PCDHA13: variants seen among roughly 807,000 people sequenced by gnomAD.
PCDHA13 encodes the protein protocadherin alpha-13.
PCDHA13 carries 54 observed loss-of-function variants against 64.8 expected under a neutral mutation model. That is an observed-to-expected ratio of 0.83 (90% CI 0.67 to 1.04). The LOEUF (loss-of-function observed/expected upper bound fraction) is 1.04, where lower values mean the gene tolerates loss of function less well. Ranked by LOEUF, PCDHA13 falls within the 50% of genes least tolerant of loss-of-function variation. The probability of loss-of-function intolerance (pLI) is 0.00; values close to 1 mark genes in which losing one functional copy is unlikely to be tolerated. For synonymous variants in PCDHA13, 587 were observed against 564.4 expected (o/e 1.04, Z -0.57); for missense variants, 1,248 against 1,254.3 (o/e 0.99, Z 0.08).
chr5:140,939,424 A>G lies in PCDHA13; in HGVS notation c.2395-39525A>G, dbSNP rs186047779. 5.0e-4 allele frequency among the ~76,000 whole-genome samples: 76 copies of G among 152,290 alleles called. 1 individual carries two copies. Among genetic ancestry groups the G allele is most frequent in the Admixed American group, 1.3e-4 (2 of 15,302 alleles). On this transcript the variant is annotated intron_variant, in intron 1 of 3. Coordinates refer to ENST00000289272, the MANE Select transcript of PCDHA13 (RefSeq NM_018904.3). ...GTGTAAATCAGCATTTTTTTCTTCC[A>G]TAAGCATTTGAAGAATTAAGAGTGA...
intron 1 of PCDHA13, among the ~76,000 whole-genome samples, chr5:140,887,198 G>A (rs1276345927): frequency 2.6e-5 from 4 of 151,490 alleles, no homozygotes; most frequent in Admixed American, 2.6e-4. Flanking sequence ...CCGGGTTCAC[G>A]CCATTCTCCT....
chr5:140,966,613 A>T, intron 1 of PCDHA13: 1 of 756,596 alleles, frequency 1.3e-6, no homozygotes, highest in Non-Finnish European at 1.9e-6. Flanking sequence ...GGGAGGGCCT[A>T]CGGAGGGAGC....
intron 1 of PCDHA13, among the ~76,000 whole-genome samples, chr5:140,897,064 CTT>C (rs1313385579): frequency 3.3e-5 from 5 of 152,042 alleles, no homozygotes; most frequent in Non-Finnish European, 4.4e-5. Flanking sequence ...AATACTATGT[CTT>C]ATTCATTTTT....
At chr5:140,927,679 G>A (rs782403424) in intron 1 of PCDHA13, 11 of 1,614,188 alleles carry the variant, frequency 6.8e-6, no homozygotes, top group Non-Finnish European at 5.1e-6. Flanking sequence ...TCCAGATGAA[G>A]GGTCCAATGG....
In PCDHA13 at chr5:141,010,166, A is replaced by G; in HGVS notation, c.*229A>G. 1 of 1,562,828 alleles carries G rather than the reference A, an allele frequency of 6.4e-7. No homozygotes were observed. The highest frequency in any genetic ancestry group is 8.7e-7 in the Non-Finnish European group (1 of 1,152,678). ...TCTCTCCACTCTGGCTTGTTTTCAG[A>G]ACCTAAAAAGCAGACCCAAGTTTCC... On this transcript the variant is annotated 3_prime_UTR_variant, in exon 4 of 4. Transcript: ENST00000289272.
intron 1 of PCDHA13, among the ~76,000 whole-genome samples, chr5:140,935,583 C>T (rs1182817725): frequency 1.3e-5 from 2 of 152,168 alleles, no homozygotes; most frequent in Admixed American, 6.5e-5. Flanking sequence ...AGTTAAGCCA[C>T]CAGCTAGATA....
At chr5:140,975,313 T>C (rs2096662091) in intron 1 of PCDHA13, among the ~76,000 whole-genome samples, 1 of 152,224 alleles carries the variant, frequency 6.6e-6, no homozygotes, top group African/African-American at 2.4e-5. Flanking sequence ...TGTGATTATG[T>C]CAGTCCCATC....
At chr5:140,927,108 C>T (rs782811125) in intron 1 of PCDHA13, 6 of 1,613,528 alleles carry the variant, frequency 3.7e-6, no homozygotes, top group African/African-American at 1.3e-5. Context: ...ATCTACCCAG[C>T]GGCAATTTGG....
rs560121926 is a variant in PCDHA13 at position 140,949,352 on chromosome 5, T to A, written c.2395-29597T>A. Among the ~76,000 whole-genome samples, 6 of 151,992 alleles carry A rather than the reference T, an allele frequency of 3.9e-5. No individual in the cohort carries two copies. The South Asian group carries it at 1.2e-3, about 31-fold the overall frequency. On this transcript the variant is annotated intron_variant, in intron 1 of 3. Transcript: ENST00000289272. Reference sequence around the variant, plus strand: ...TTGTTATCCAGATTTTCTGTGTCTTTATTTTTTTGTCTAGTTGTCCTATCA... The same window carrying A: ...TTGTTATCCAGATTTTCTGTGTCTTAATTTTTTTGTCTAGTTGTCCTATCA...
chr5:140,940,208 A>C (rs1193106137), intron 1 of PCDHA13, among the ~76,000 whole-genome samples: 1 of 152,164 alleles, frequency 6.6e-6, no homozygotes, highest in Non-Finnish European at 1.5e-5. Context: ...AAAATTCAAG[A>C]TTGGCATTTA....
intron 1 of PCDHA13, chr5:140,928,126 C>T (rs782461261): frequency 1.2e-6 from 2 of 1,614,176 alleles, no homozygotes; most frequent in Non-Finnish European, 1.7e-6. Context: ...CAGTGAATAC[C>T]AAGTCCTGAT....
At chr5:140,906,158 C>G (rs1186216636) in intron 1 of PCDHA13, among the ~76,000 whole-genome samples, 1 of 152,140 alleles carries the variant, frequency 6.6e-6, no homozygotes, top group East Asian at 1.9e-4. Context: ...CACAGACACA[C>G]CCAGGAACAA....
In PCDHA13 at chr5:141,010,336, G is replaced by A. The variant is rs1297379181; in HGVS notation, c.*399G>A. ...AGATTGAGCAGCTTGGGAGTTTGTG[G>A]CCACTGGGTATGTGTGGCTACCGCG... On this transcript the variant is annotated 3_prime_UTR_variant, in exon 4 of 4. Coordinates refer to ENST00000289272, the MANE Select transcript of PCDHA13 (RefSeq NM_018904.3). 25 of 1,535,806 alleles carry A rather than the reference G, an allele frequency of 1.6e-5. No individual in the cohort carries two copies. The highest frequency in any genetic ancestry group is 2.2e-5 in the Non-Finnish European group (25 of 1,141,450).
chr5:140,883,912 C>A lies in PCDHA13; in HGVS notation c.1644C>A (p.Asn548Lys). 6.2e-7 allele frequency: 1 copy of A among 1,613,300 alleles called. No homozygotes were observed. Among genetic ancestry groups the A allele is most frequent in the South Asian group, 1.1e-5 (1 of 91,066 alleles). Residue 548 changes from asparagine to lysine, a missense_variant, in exon 1 of 4, where the codon AAC (asparagine) becomes AAA (lysine). Asn to Lys is a moderately conservative substitution (Grantham distance 94). Coordinates refer to ENST00000289272, the MANE Select transcript of PCDHA13 (RefSeq NM_018904.3). ...RDSGVPPLGS[N>K]VTLQVFVLDE... is the part of the protein sequence containing the mutation. ...CTGGCGTGCCGCCTCTGGGCAGCAA[C>A]GTGACGCTGCAGGTGTTCGTGCTGG...
chr5:140,953,713 A>T (rs1372806666), intron 1 of PCDHA13, among the ~76,000 whole-genome samples: 1 of 152,218 alleles, frequency 6.6e-6, no homozygotes, highest in Admixed American at 6.5e-5. Context: ...TGAGCTTCAG[A>T]CATTGTGTTT....
chr5:140,927,607 C>T, intron 1 of PCDHA13: 2 of 1,614,180 alleles, frequency 1.2e-6, no homozygotes, highest in Non-Finnish European at 8.5e-7. Flanking sequence ...CTCCGTATAC[C>T]GCACCAAGGT....
chr5:140,900,178 T>C (rs972449455), intron 1 of PCDHA13, among the ~76,000 whole-genome samples: 2 of 152,238 alleles, frequency 1.3e-5, no homozygotes, highest in African/African-American at 2.4e-5. Context: ...GCCTGGTTTA[T>C]GTCACTTATA....
intron 1 of PCDHA13, among the ~76,000 whole-genome samples, chr5:140,900,452 T>A (rs2068062293): frequency 6.6e-6 from 1 of 152,222 alleles, no homozygotes; most frequent in South Asian, 2.1e-4. Flanking sequence ...TAATTTTTTA[T>A]TTTTAGTAGA....
At chr5:140,997,264 A>G (rs1554255813) in intron 3 of PCDHA13, among the ~76,000 whole-genome samples, 3 of 152,154 alleles carry the variant, frequency 2.0e-5, no homozygotes. Context: ...CACTCTTCCA[A>G]ATATTTCTTG....
Sources: gnomAD v4.1 joint callset for allele counts (sites outside exome capture counted in the v4.1 genomes callset) on GRCh38, gnomAD v4.1.1 for gene constraint, MANE v1.5 for transcripts, NCBI Gene and HGNC (gene_info 2026-07-23, HGNC 2026-07-21) for gene names.